Variants in STAT1 observed in about 807,000 individuals in gnomAD.
STAT1 encodes the protein signal transducer and activator of transcription 1-alpha/beta.
A neutral mutation model predicts 111.7 loss-of-function variants in STAT1; 24 were observed. That is an observed-to-expected ratio of 0.21 (90% CI 0.16 to 0.30). STAT1 has a LOEUF of 0.30. Ranked by LOEUF, STAT1 falls within the 10% of genes least tolerant of loss-of-function variation. The pLI, the probability that STAT1 is intolerant of heterozygous loss-of-function variation, is 1.00. For missense variants in STAT1, 351 were observed against 911.9 expected (o/e 0.38, Z 7.92); for synonymous variants, 332 against 326.5 (o/e 1.02, Z -0.18).
intron 10 of STAT1, among the ~76,000 whole-genome samples, chr2:190,994,381 TGGTCACA>T (rs912678022): frequency 3.3e-5 from 5 of 150,646 alleles, no homozygotes; most frequent in Admixed American, 6.6e-5. Context: ...GGGACAGCAC[TGGTCACA>T]GGGAGGAAGG....
rs764915115 is a variant in STAT1, at chr2:190,978,819, T to G, written c.1873+37A>C. On this transcript the variant is annotated intron_variant, in intron 21 of 24. Coordinates refer to ENST00000361099, the MANE Select transcript of STAT1 (RefSeq NM_007315.4). This position sits in a 1 kb window ranked among gnomAD's most constrained non-coding sequence, Gnocchi z 6.1. Reference sequence around the variant, plus strand: ...GCGATGAAGAGGGACTTCACACACATGGAATGGTGGGACTATGTGCTCAAA... The same window carrying G: ...GCGATGAAGAGGGACTTCACACACAGGGAATGGTGGGACTATGTGCTCAAA... 1.9e-6 allele frequency: 3 copies of G among 1,610,832 alleles called. No individual in the cohort carries two copies. In the South Asian group the frequency reaches 3.3e-5, roughly 18 times the overall value.
chr2:190,999,075 ACT>A lies in STAT1; in HGVS notation c.541+549_541+550del, dbSNP rs917379321. 1.3e-5 allele frequency among the ~76,000 whole-genome samples: 2 copies of A among 152,096 alleles called. No homozygotes were observed. Among genetic ancestry groups the A allele is most frequent in the Non-Finnish European group, 2.9e-5 (2 of 68,030 alleles). On this transcript the variant is annotated intron_variant, in intron 7 of 24. Transcript: ENST00000361099. The surrounding 1 kb of genome is among the most constrained non-coding windows in gnomAD (Gnocchi z 4.1). ...CATTCTTGAGATCTTTTCTGTTGCT[ACT>A]CTCATTAAAAACACGCAACAGTAAG...
chr2:190,979,940 A>G lies in STAT1; in HGVS notation c.1633-74T>C, dbSNP rs1692233112. 6 of 1,007,840 alleles carry G rather than the reference A, an allele frequency of 6.0e-6. No homozygotes were observed. The South Asian group carries it at 7.9e-5, about 13-fold the overall frequency. 62.4% of individuals were successfully genotyped at this position (1,007,840 alleles called of 1,614,324 possible). On this transcript the variant is annotated intron_variant, in intron 19 of 24. Coordinates refer to ENST00000361099, the MANE Select transcript of STAT1 (RefSeq NM_007315.4). The surrounding 1 kb of genome is among the most constrained non-coding windows in gnomAD (Gnocchi z 5.8). ...ACTTACCATGGCCCCTCCCACCATC[A>G]TTTGCAAAGACTCCCCAGGTGCCAA...
At chr2:190,972,717 C>CT (rs1315829326) in intron 24 of STAT1, among the ~76,000 whole-genome samples, 1 of 150,524 alleles carries the variant, frequency 6.6e-6, no homozygotes, top group Non-Finnish European at 1.5e-5. Context: ...ATTATGAACT[C>CT]TTTTTCTTTT....
In STAT1 at chr2:190,983,983, T is replaced by C. The variant is rs1252493538; in HGVS notation, c.1348-243A>G. On this transcript the variant is annotated intron_variant, in intron 16 of 24. Transcript: ENST00000361099. This position sits in a 1 kb window ranked among gnomAD's most constrained non-coding sequence, Gnocchi z 5.7. ...CAATAATTAATTAAGGGATATGCAA[T>C]ATGAGAAGATGAAAACTGTCACAAT... is the stretch of plus-strand genomic sequence containing the variant. Among the ~76,000 whole-genome samples, 1 of 151,806 alleles carries C rather than the reference T, an allele frequency of 6.6e-6. No individual in the cohort carries two copies. The highest frequency in any genetic ancestry group is 1.5e-5 in the Non-Finnish European group (1 of 67,992).
chr2:190,979,409 C>T lies in STAT1; in HGVS notation c.1727+363G>A, dbSNP rs1692173665. Among the ~76,000 whole-genome samples, 3 of 152,062 alleles carry T rather than the reference C, an allele frequency of 2.0e-5. No individual in the cohort carries two copies. Among genetic ancestry groups the T allele is most frequent in the Non-Finnish European group, 1.5e-5 (1 of 68,030 alleles). ...TTAAAGCTTCTGTTGAAATATCAGCCGATCCTGGCAATAAGTCAAGATAGA... is the reference window on the plus strand; with the variant it reads ...TTAAAGCTTCTGTTGAAATATCAGCTGATCCTGGCAATAAGTCAAGATAGA... On this transcript the variant is annotated intron_variant, in intron 20 of 24. Coordinates refer to ENST00000361099, the MANE Select transcript of STAT1 (RefSeq NM_007315.4). This position sits in a 1 kb window ranked among gnomAD's most constrained non-coding sequence, Gnocchi z 5.8.
rs1344955693 is a variant in STAT1 at position 190,982,282 on chromosome 2, T to A, written c.1582+101A>T. 3 of 1,435,454 alleles carry A rather than the reference T, an allele frequency of 2.1e-6. No homozygotes were observed. Among genetic ancestry groups the A allele is most frequent in the Non-Finnish European group, 2.9e-6 (3 of 1,024,818 alleles). The allele number at this position is 1,435,454 out of a possible 1,614,324, so 88.9% of individuals were successfully genotyped here. A position where few individuals can be genotyped will look rare whatever the true frequency, so the allele number is the denominator to read the frequency against. On this transcript the variant is annotated intron_variant, in intron 18 of 24. Transcript: ENST00000361099. The surrounding 1 kb of genome is among the most constrained non-coding windows in gnomAD (Gnocchi z 7.3). ...TTGAAAAGCTGACAGATTTTAGTAC[T>A]TTTTTACCTTTAACAAAATAGCAGA...
chr2:191,008,038 T>C, intron 4 of STAT1: 1 of 457,696 alleles, frequency 2.2e-6, no homozygotes. Flanking sequence ...ATGCATCTGT[T>C]GGTCTAAGCT....
rs1692604524 is a variant in STAT1 at position 190,984,212 on chromosome 2, T to A, written c.1347+98A>T. On this transcript the variant is annotated intron_variant, in intron 16 of 24. Transcript: ENST00000361099. The surrounding 1 kb of genome is among the most constrained non-coding windows in gnomAD (Gnocchi z 5.2). ...AAAAGATCATTTTAAAACAATTAGG[T>A]AAATACCTCCAGAACAAACACTGAG... is the stretch of plus-strand genomic sequence containing the variant. 1.2e-5 allele frequency: 12 copies of A among 1,000,510 alleles called. No homozygotes were observed. The Admixed American group carries it at 2.4e-4, about 20-fold the overall frequency. 62.0% of individuals were successfully genotyped at this position (1,000,510 alleles called of 1,614,324 possible).
rs1692492825 is a variant in STAT1 at position 190,982,849 on chromosome 2, T to C, written c.1447-331A>G. 6.6e-6 allele frequency among the ~76,000 whole-genome samples: 1 copy of C among 152,178 alleles called. No homozygotes were observed. Among genetic ancestry groups the C allele is most frequent in the South Asian group, 2.1e-4 (1 of 4,834 alleles). The stretch of plus-strand genomic sequence containing the variant: ...CGCTTCCAACTGAAGCCAAACAAAA[T>C]GACACTCGCTTCCTGTTTCACCTCT... On this transcript the variant is annotated intron_variant, in intron 17 of 24. Coordinates refer to ENST00000361099, the MANE Select transcript of STAT1 (RefSeq NM_007315.4). The surrounding 1 kb of genome is among the most constrained non-coding windows in gnomAD (Gnocchi z 7.3).
chr2:190,983,892 C>A lies in STAT1; in HGVS notation c.1348-152G>T. The stretch of plus-strand genomic sequence containing the variant: ...GAAGTGTTAAGTTCTGTTCTTCTGT[C>A]CAGTTTAACTTGTCTTTGATGTATC... On this transcript the variant is annotated intron_variant, in intron 16 of 24. Coordinates refer to ENST00000361099, the MANE Select transcript of STAT1 (RefSeq NM_007315.4). This position sits in a 1 kb window ranked among gnomAD's most constrained non-coding sequence, Gnocchi z 5.7. 1.4e-6 allele frequency: 1 copy of A among 723,146 alleles called. No individual in the cohort carries two copies. The highest frequency in any genetic ancestry group is 2.4e-6 in the Non-Finnish European group (1 of 410,686). 44.8% of individuals were successfully genotyped at this position (723,146 alleles called of 1,614,324 possible).
chr2:190,983,117 G>A lies in STAT1; in HGVS notation c.1446+525C>T, dbSNP rs377649143. Among the ~76,000 whole-genome samples the A allele has an allele frequency of 1.3e-5, 2 of 152,194 alleles. No homozygotes were observed. Among genetic ancestry groups the A allele is most frequent in the East Asian group, 1.9e-4 (1 of 5,200 alleles). On this transcript the variant is annotated intron_variant, in intron 17 of 24. Transcript: ENST00000361099. The surrounding 1 kb of genome is among the most constrained non-coding windows in gnomAD (Gnocchi z 5.7). ...AGGTGTAATGTTAATGCCTCAACAA[G>A]TGTATTAGATAAGGTGTCTTTAAAC...
Position 191,007,923 on chromosome 2 carries a change from T to C in STAT1, c.274-262A>G, listed in dbSNP as rs1376874739. 1.9e-6 allele frequency: 1 copy of C among 540,302 alleles called. No individual in the cohort carries two copies. Among genetic ancestry groups the C allele is most frequent in the Non-Finnish European group, 3.4e-6 (1 of 291,046 alleles). 33.5% of individuals were successfully genotyped at this position (540,302 alleles called of 1,614,324 possible). A position where few individuals can be genotyped will look rare whatever the true frequency, so the allele number is the denominator to read the frequency against. On this transcript the variant is annotated intron_variant, in intron 4 of 24. Coordinates refer to ENST00000361099, the MANE Select transcript of STAT1 (RefSeq NM_007315.4). The surrounding 1 kb of genome is among the most constrained non-coding windows in gnomAD (Gnocchi z 4.2). ...ATTTTCACATATGGTTCACATAATATTTTTACTTTAATATCTTTCCATATT... is the reference window on the plus strand; with the variant it reads ...ATTTTCACATATGGTTCACATAATACTTTTACTTTAATATCTTTCCATATT...
intron 10 of STAT1, among the ~76,000 whole-genome samples, chr2:190,994,393 G>A (rs999137657): frequency 6.6e-6 from 1 of 152,106 alleles, no homozygotes. Flanking sequence ...GTCACAGGGA[G>A]GAAGGACTGG....
At position 191,004,350 on chromosome 2, in the gene STAT1, T is replaced by C. The variant is rs1694516746; in HGVS notation, c.373-3187A>G. 6.6e-6 allele frequency among the ~76,000 whole-genome samples: 1 copy of C among 152,214 alleles called. No homozygotes were observed. The highest frequency in any genetic ancestry group is 1.5e-5 in the Non-Finnish European group (1 of 68,032). On this transcript the variant is annotated intron_variant, in intron 5 of 24. Coordinates refer to ENST00000361099, the MANE Select transcript of STAT1 (RefSeq NM_007315.4). The surrounding 1 kb of genome is among the most constrained non-coding windows in gnomAD (Gnocchi z 5.0). ...CTTTCTCGTTTCACTACTGTACCTCTAGAGACCTTGTTTGGATGGGAACTT... is the reference window on the plus strand; with the variant it reads ...CTTTCTCGTTTCACTACTGTACCTCCAGAGACCTTGTTTGGATGGGAACTT...
chr2:191,001,932 T>C (rs13029247), intron 5 of STAT1, among the ~76,000 whole-genome samples: 39,797 of 152,082 alleles, frequency 0.26, 5,709 homozygotes, highest in East Asian at 0.5. Context: ...TGTTATTTTT[T>C]TAGAGTTAAA....
intron 11 of STAT1, 119 bp downstream of exon 11, chr2:190,991,109 A>T: frequency 1.3e-6 from 1 of 794,134 alleles, no homozygotes; most frequent in Non-Finnish European, 2.2e-6. Flanking sequence ...TTCATATTAA[A>T]GTGCCCCCTG....
intron 4 of STAT1, among the ~76,000 whole-genome samples, chr2:191,008,413 C>T (rs1328705276): frequency 6.6e-6 from 1 of 152,184 alleles, no homozygotes; most frequent in Admixed American, 6.5e-5. Context: ...CCCTAAAACT[C>T]TATAGCATGT....
intron 5 of STAT1, among the ~76,000 whole-genome samples, chr2:191,002,396 C>T (rs1694342510): frequency 6.6e-6 from 1 of 152,132 alleles, no homozygotes; most frequent in Admixed American, 6.5e-5. Flanking sequence ...AGCCTGAACC[C>T]TTGAAGGATG....
Sources: allele counts gnomAD v4.1 joint callset (sites outside exome capture counted in the v4.1 genomes callset), GRCh38; gene constraint gnomAD v4.1.1; non-coding constraint Gnocchi (gnomAD v3.1); transcripts MANE v1.5; gene names NCBI Gene and HGNC (gene_info 2026-07-23, HGNC 2026-07-21).